P2RY6: variants seen among roughly 807,000 people sequenced by gnomAD.
P2RY6 encodes P2Y purinoceptor 6.
In P2RY6, 19 loss-of-function variants were observed where a neutral mutation model predicts 16.3. The observed-to-expected ratio is 1.16, with a 90% confidence interval of 0.81 to 1.71. The LOEUF (loss-of-function observed/expected upper bound fraction) is 1.71, where lower values mean the gene tolerates loss of function less well. P2RY6 is among the 40% of genes most tolerant of loss of function. P2RY6 has a pLI of 0.00. For synonymous variants in P2RY6, 184 were observed against 201.5 expected, an observed-to-expected ratio of 0.91 and a Z score of 0.74; for missense variants, 389 against 455.5, an observed-to-expected ratio of 0.85 and a Z score of 1.33.
At chr11:73,276,618 A>G (rs1055762814) in intron 1 of P2RY6, among the ~76,000 whole-genome samples, 1 of 152,248 alleles carries the variant, frequency 6.6e-6, no homozygotes, top group Non-Finnish European at 1.5e-5. Flanking sequence ...AAAATGATAC[A>G]TATTGTATGA....
intron 1 of P2RY6, among the ~76,000 whole-genome samples, chr11:73,273,178 T>C (rs1204600359): frequency 6.6e-6 from 1 of 151,886 alleles, no homozygotes; most frequent in African/African-American, 2.4e-5. Flanking sequence ...TTAAAACTTT[T>C]CCAGAGTTTC....
chr11:73,268,192 G>A (rs1591657810), upstream of P2RY6, among the ~76,000 whole-genome samples: 1 of 152,240 alleles, frequency 6.6e-6, no homozygotes, highest in Non-Finnish European at 1.5e-5. Flanking sequence ...CCACAGGCAT[G>A]TGCTCCTTAC....
At position 73,295,781 on chromosome 11, in the gene P2RY6, C is replaced by T; in HGVS notation, c.-69C>T. 1.0e-6 allele frequency: 1 copy of T among 985,322 alleles called. No individual in the cohort carries two copies. The highest frequency in any genetic ancestry group is 1.2e-6 in the Non-Finnish European group (1 of 829,886). The allele number at this position is 985,322 out of a possible 1,614,324, so 61.0% of individuals were successfully genotyped here. A position where few individuals can be genotyped will look rare whatever the true frequency, so the allele number is the denominator to read the frequency against. On this transcript the variant is annotated 5_prime_UTR_variant, in exon 2 of 3. Coordinates refer to ENST00000540124, the MANE Select transcript of P2RY6 (RefSeq NM_001277204.2). ...ATGGCTTTGGAAGGCGGAGTTCAGG[C>T]TGAGGAGATGGGTGCGGTCCTCAGT...
chr11:73,277,299 A>G (rs1046396204), intron 1 of P2RY6, among the ~76,000 whole-genome samples: 4 of 130,014 alleles, frequency 3.1e-5, no homozygotes, highest in Non-Finnish European at 4.9e-5. Context: ...TTTTTGGTAG[A>G]GACAGAGTTT....
At chr11:73,292,204 GC>G (rs1864282619) in intron 1 of P2RY6, among the ~76,000 whole-genome samples, 1 of 152,278 alleles carries the variant, frequency 6.6e-6, no homozygotes, top group African/African-American at 2.4e-5. Flanking sequence ...TGTGGAAGGG[GC>G]AGTCGCTGTG....
chr11:73,297,532 T>G lies in P2RY6; in HGVS notation c.*27T>G. On this transcript the variant is annotated 3_prime_UTR_variant, in exon 3 of 3. Transcript: ENST00000540124. The stretch of plus-strand genomic sequence containing the variant: ...TCCTCCAGGTCCTGGGCAGCCTTCA[T>G]ATTTGCCATTGTGTCCGGGGCACCA... 2 of 1,576,608 alleles carry G rather than the reference T, an allele frequency of 1.3e-6. No individual in the cohort carries two copies. The highest frequency in any genetic ancestry group is 1.7e-6 in the Non-Finnish European group (2 of 1,153,462).
intron 1 of P2RY6, among the ~76,000 whole-genome samples, chr11:73,286,697 T>G (rs570481735): frequency 2.6e-4 from 40 of 152,228 alleles, no homozygotes; most frequent in African/African-American, 7.9e-4. Context: ...TATACTGGTC[T>G]CTGAGGCTCC....
At chr11:73,268,862 G>A (rs574257252), upstream of P2RY6, among the ~76,000 whole-genome samples, 18 of 152,354 alleles carry the variant, frequency 1.2e-4, no homozygotes, top group South Asian at 4.1e-4. Context: ...GGATGTGCAC[G>A]AGACCATTCC....
At chr11:73,287,519 G>A (rs1864016526) in intron 1 of P2RY6, among the ~76,000 whole-genome samples, 1 of 152,212 alleles carries the variant, frequency 6.6e-6, no homozygotes, top group Admixed American at 6.5e-5. Flanking sequence ...TGGGAACTGG[G>A]TGGGAAGAAG....
At chr11:73,278,389 A>T (rs1863628678) in intron 1 of P2RY6, among the ~76,000 whole-genome samples, 1 of 152,008 alleles carries the variant, frequency 6.6e-6, no homozygotes, top group Non-Finnish European at 1.5e-5. Context: ...CAAACTCCTG[A>T]CCTCAGGTGA....
At chr11:73,274,770 G>T (rs1001864829) in intron 1 of P2RY6, among the ~76,000 whole-genome samples, 2 of 152,196 alleles carry the variant, frequency 1.3e-5, no homozygotes, top group African/African-American at 4.8e-5. Flanking sequence ...CTGGCAACAG[G>T]TGCCCATTAC....
chr11:73,288,869 A>G (rs1277413710), intron 1 of P2RY6, among the ~76,000 whole-genome samples: 2 of 152,240 alleles, frequency 1.3e-5, no homozygotes, highest in Non-Finnish European at 2.9e-5. Context: ...GACCCCTGAC[A>G]TCCTGTGCCC....
chr11:73,266,252 T>G (rs1863098193), intron 1 of P2RY6, among the ~76,000 whole-genome samples: 1 of 152,114 alleles, frequency 6.6e-6, no homozygotes, highest in Admixed American at 6.5e-5. Context: ...GAGAGGACAA[T>G]GCAGGTCTCT....
At chr11:73,292,888 C>CCCCAG (rs1864318333) in intron 1 of P2RY6, 1 of 984,588 alleles carries the variant, frequency 1.0e-6, no homozygotes, top group African/African-American at 1.8e-5. Flanking sequence ...ACACTTGGGA[C>CCCCAG]CACCAGCGTG....
chr11:73,274,042 T>C (rs1200005853), intron 1 of P2RY6, among the ~76,000 whole-genome samples: 1 of 152,240 alleles, frequency 6.6e-6, no homozygotes, highest in Non-Finnish European at 1.5e-5. Flanking sequence ...TTTGCTATGT[T>C]GCCCAGGCTG....
At position 73,297,113 on chromosome 11, in the gene P2RY6, A is replaced by G; in HGVS notation, c.595A>G (p.Ile199Val). The G allele has an allele frequency of 6.2e-7, 1 of 1,604,142 alleles. No individual in the cohort carries two copies. The highest frequency in any genetic ancestry group is 8.5e-7 in the Non-Finnish European group (1 of 1,179,928). ...GCCCTATGGCATGGCTCTCACTGTC[A>G]TCGGCTTCCTGCTGCCCTTTGCTGC... is the stretch of plus-strand genomic sequence containing the variant. ...YMPYGMALTV[I>V]GFLLPFAALL... The change falls in exon 3 of 3, where the codon ATC becomes GTC. Residue 199 changes from isoleucine (I) to valine (V), a missense_variant. Physicochemically the swap from Ile to Val is conservative, Grantham distance 29 (BLOSUM62 3). Transcript: ENST00000540124.
upstream of P2RY6, among the ~76,000 whole-genome samples, chr11:73,268,422 G>A (rs753583252): frequency 1.6e-4 from 24 of 152,088 alleles, no homozygotes; most frequent in Non-Finnish European, 3.2e-4. Flanking sequence ...CCAGGAGTTC[G>A]ATACCAGCCT....
At chr11:73,289,959 C>T (rs1317697059) in intron 1 of P2RY6, among the ~76,000 whole-genome samples, 1 of 152,160 alleles carries the variant, frequency 6.6e-6, no homozygotes, top group Non-Finnish European at 1.5e-5. Flanking sequence ...CGGTGGCTCA[C>T]GCCTGTAATC....
intron 1 of P2RY6, among the ~76,000 whole-genome samples, chr11:73,292,302 G>A (rs556101422): frequency 6.6e-6 from 1 of 152,372 alleles, no homozygotes; most frequent in South Asian, 2.1e-4. Flanking sequence ...GAAGCGGGGG[G>A]AGAAGGCGGC....
Sources: gnomAD v4.1 joint callset for allele counts (sites outside exome capture counted in the v4.1 genomes callset) on GRCh38, gnomAD v4.1.1 for gene constraint, MANE v1.5 for transcripts, NCBI Gene and HGNC (gene_info 2026-07-23, HGNC 2026-07-21) for gene names.